The following DMD variants were observed in gnomAD, a reference collection of about 807,000 sequenced individuals.
The protein encoded by DMD is dystrophin, also known as mutant dystrophin.
A neutral mutation model predicts 330.1 loss-of-function variants in DMD; 63 were observed. That is an observed-to-expected ratio of 0.19 (90% CI 0.16 to 0.24). The LOEUF (loss-of-function observed/expected upper bound fraction) is 0.24, where lower values mean the gene tolerates loss of function less well. DMD is among the 10% of genes least tolerant of loss of function. The pLI, the probability that DMD is intolerant of heterozygous loss-of-function variation, is 1.00. For missense variants in DMD, 3,344 were observed against 2,684.1 expected (o/e 1.25, Z -5.43); for synonymous variants, 1,223 against 959.8 (o/e 1.27, Z -5.07).
intron 7 of DMD, among the ~76,000 whole-genome samples, chrX:32,775,045 A>G (rs917072536): frequency 5.3e-5 from 6 of 112,294 alleles, no homozygotes; most frequent in Non-Finnish European, 1.1e-4. Flanking sequence ...CAAAGTAGAC[A>G]CAGGTCCCAC....
At chrX:31,885,611 C>CAAAAAAA (rs762289533) in intron 47 of DMD, among the ~76,000 whole-genome samples, 6 of 52,325 alleles carry the variant, frequency 1.1e-4, no homozygotes, top group African/African-American at 3.1e-4. Flanking sequence ...CTCCGTCTCA[C>CAAAAAAA]AAAAAAAAAA....
intron 2 of DMD, among the ~76,000 whole-genome samples, chrX:33,016,943 C>T (rs776093256): frequency 1.8e-5 from 2 of 111,807 alleles, no homozygotes; most frequent in East Asian, 5.6e-4. Context: ...AGGATTATAA[C>T]ATATCAATAA....
intron 44 of DMD, among the ~76,000 whole-genome samples, chrX:32,153,243 T>C (rs2096814229): frequency 8.9e-6 from 1 of 112,061 alleles, no homozygotes; most frequent in Admixed American, 9.5e-5. Flanking sequence ...AGACAATATC[T>C]CTGGAATTAT....
intron 2 of DMD, among the ~76,000 whole-genome samples, 160 bp from the exon 3 acceptor site, chrX:32,849,980 CA>C (rs369976296): frequency 1.8e-5 from 2 of 110,752 alleles, no homozygotes; most frequent in African/African-American, 6.6e-5. Context: ...GTTCAAATGA[CA>C]AAAAAAATTT....
chrX:31,463,786 G>A (rs1330584322), intron 59 of DMD, among the ~76,000 whole-genome samples: 1 of 111,066 alleles, frequency 9.0e-6, no homozygotes, highest in African/African-American at 3.3e-5. Flanking sequence ...CCTCAGCTTG[G>A]TGCTAAATAA....
At chrX:32,752,577 G>T (rs1569509174) in intron 7 of DMD, among the ~76,000 whole-genome samples, 1 of 105,629 alleles carries the variant, frequency 9.5e-6, no homozygotes, top group African/African-American at 3.5e-5. Context: ...GTGGAGTTTT[G>T]AGTTAATGAG....
At chrX:32,188,542 A>G (rs1483761026) in intron 44 of DMD, among the ~76,000 whole-genome samples, 1 of 106,061 alleles carries the variant, frequency 9.4e-6, no homozygotes, top group Non-Finnish European at 1.9e-5. Context: ...GGCTATCCAC[A>G]CAGAACTAAA....
chrX:31,122,539 T>C (rs1351352407), intron 78 of DMD, among the ~76,000 whole-genome samples: 1 of 111,399 alleles, frequency 9.0e-6, no homozygotes, highest in African/African-American at 3.3e-5. Flanking sequence ...ATTTTCTCTC[T>C]GCTTTTACTT....
At chrX:33,304,180 A>G (rs189213917) in intron 1 of DMD, among the ~76,000 whole-genome samples, 1 of 111,688 alleles carries the variant, frequency 9.0e-6, no homozygotes, top group Non-Finnish European at 1.9e-5. Context: ...ACAAGGCTAC[A>G]GTAACCAAAA....
intron 29 of DMD, among the ~76,000 whole-genome samples, chrX:32,429,376 C>CT (rs760036185): frequency 1.7e-4 from 7 of 40,571 alleles, no homozygotes; most frequent in African/African-American, 2.9e-4. Context: ...AGCCTGGATA[C>CT]TTTTTTTTGG....
At chrX:32,209,793 T>C (rs1603628347) in intron 44 of DMD, among the ~76,000 whole-genome samples, 2 of 112,024 alleles carry the variant, frequency 1.8e-5, no homozygotes, top group South Asian at 3.7e-4. Context: ...TTTTTTGTTC[T>C]TGCTTCTTTC....
At chrX:32,516,141 G>A (rs908474377) in intron 18 of DMD, among the ~76,000 whole-genome samples, 1 of 111,345 alleles carries the variant, frequency 9.0e-6, no homozygotes, top group African/African-American at 3.3e-5. Flanking sequence ...ACACGAGCCT[G>A]CCATGAGTTT....
intron 55 of DMD, among the ~76,000 whole-genome samples, chrX:31,544,976 C>T (rs975492409): frequency 8.1e-5 from 9 of 111,509 alleles, no homozygotes; most frequent in Non-Finnish European, 1.7e-4. Context: ...CAAGGGCTTC[C>T]AGAAGGAAGA....
intron 9 of DMD, among the ~76,000 whole-genome samples, chrX:32,648,652 A>T (rs2059931059): frequency 1.8e-5 from 2 of 112,000 alleles, no homozygotes; most frequent in Non-Finnish European, 3.8e-5. Flanking sequence ...AAGCAAACCG[A>T]CGAAAAAAGA....
At chrX:32,766,416 C>A (rs973253847) in intron 7 of DMD, among the ~76,000 whole-genome samples, 4 of 111,221 alleles carry the variant, frequency 3.6e-5, no homozygotes, top group African/African-American at 1.3e-4. Context: ...AAGTCTTCCA[C>A]CTTCTTGGTT....
chrX:33,062,141 T>C (rs996287076), intron 1 of DMD, among the ~76,000 whole-genome samples: 2 of 111,898 alleles, frequency 1.8e-5, no homozygotes, highest in Non-Finnish European at 1.9e-5. Flanking sequence ...GAATAAAGAC[T>C]TTCCTTCTTC....
At chrX:31,536,607 T>G in intron 55 of DMD, among the ~76,000 whole-genome samples, 1 of 111,448 alleles carries the variant, frequency 9.0e-6, no homozygotes, top group Non-Finnish European at 1.9e-5. Flanking sequence ...TCCTCATCAC[T>G]GGGCATTTAG....
At chrX:32,657,011 ATGTGTGTG>A (rs57052299) in intron 9 of DMD, among the ~76,000 whole-genome samples, 81 of 100,789 alleles carry the variant, frequency 8.0e-4, no homozygotes, top group African/African-American at 3.0e-3. Context: ...ACCAACTTAT[ATGTGTGTG>A]TGTGTGTGTG....
intron 1 of DMD, among the ~76,000 whole-genome samples, chrX:33,040,251 C>G: frequency 9.0e-6 from 1 of 110,693 alleles, no homozygotes; most frequent in Non-Finnish European, 1.9e-5. Flanking sequence ...TTTTCCAGAC[C>G]CTCCTCTTCT....
Sources: allele counts gnomAD v4.1 joint callset (sites outside exome capture counted in the v4.1 genomes callset), GRCh38; gene constraint gnomAD v4.1.1; transcripts MANE v1.5; gene names NCBI Gene and HGNC (gene_info 2026-07-23, HGNC 2026-07-21).